The following DGKB variants were observed in gnomAD, a reference collection of about 807,000 sequenced individuals.
DGKB encodes the protein diacylglycerol kinase beta.
A neutral mutation model predicts 114.3 loss-of-function variants in DGKB; 67 were observed. The ratio of observed to expected loss-of-function variants is 0.59; its 90% CI spans 0.48 to 0.72. DGKB has a LOEUF of 0.72. Among genes scored for constraint, DGKB ranks in the 30% least tolerant of loss-of-function variants. The pLI is 0.00. For missense variants in DGKB, 907 were observed against 975.2 expected (o/e 0.93, Z 0.93); for synonymous variants, 398 against 323.1 (o/e 1.23, Z -2.49).
intron 16 of DGKB, among the ~76,000 whole-genome samples, chr7:14,609,946 T>C (rs914275536): frequency 6.6e-6 from 1 of 152,114 alleles, no homozygotes; most frequent in Non-Finnish European, 1.5e-5. Flanking sequence ...GTTCAGCCAT[T>C]GTAGAAAATG....
At chr7:14,567,164 TTA>T (rs1332632590) in intron 20 of DGKB, among the ~76,000 whole-genome samples, 5 of 89,886 alleles carry the variant, frequency 5.6e-5, no homozygotes, top group African/African-American at 2.1e-4. Context: ...ACAATTATAT[TTA>T]TATATATTAT....
intron 1 of DGKB, among the ~76,000 whole-genome samples, chr7:14,885,947 T>C (rs1261346596): frequency 6.6e-6 from 1 of 151,702 alleles, no homozygotes; most frequent in Non-Finnish European, 1.5e-5. Flanking sequence ...ACGGCTAATT[T>C]AGAAAAAAAT....
intron 4 of DGKB, among the ~76,000 whole-genome samples, chr7:14,748,810 A>C (rs1833727552): frequency 6.6e-6 from 1 of 152,172 alleles, no homozygotes; most frequent in Admixed American, 6.6e-5. Flanking sequence ...TAACTAGCTC[A>C]CCACTAATTA....
At position 14,719,063 on chromosome 7, in the gene DGKB, C is replaced by A. The variant is rs144261344; in HGVS notation, c.323-378G>T. The stretch of plus-strand genomic sequence containing the variant: ...GGAAGATATTTAAAATGGACTTTTT[C>A]ACAAAATACTAAAGAAAAAAATGTC... On this transcript the variant is annotated intron_variant, in intron 5 of 25. Transcript: ENST00000402815. Among the ~76,000 whole-genome samples, 279 of 152,204 alleles carry A rather than the reference C, an allele frequency of 1.8e-3. 1 individual carries two copies. Among genetic ancestry groups the A allele is most frequent in the African/African-American group, 6.3e-3 (262 of 41,540 alleles).
At chr7:14,327,558 T>C (rs1036096742) in intron 23 of DGKB, among the ~76,000 whole-genome samples, 9 of 152,302 alleles carry the variant, frequency 5.9e-5, no homozygotes, top group African/African-American at 1.9e-4. Context: ...GATTACTTCA[T>C]TGCATATCTC....
At chr7:14,506,397 AAT>A (rs1014682879) in intron 20 of DGKB, among the ~76,000 whole-genome samples, 5 of 152,308 alleles carry the variant, frequency 3.3e-5, no homozygotes, top group Admixed American at 6.5e-5. Flanking sequence ...AAGAGAAAAA[AAT>A]AGACTATGTA....
chr7:14,603,405 T>C (rs533164373), intron 17 of DGKB, among the ~76,000 whole-genome samples: 1 of 152,262 alleles, frequency 6.6e-6, no homozygotes, highest in Admixed American at 6.5e-5. Context: ...TGTTCATTTC[T>C]GTGTCATAAT....
chr7:14,502,997 T>G (rs1454179443), intron 20 of DGKB, among the ~76,000 whole-genome samples: 6 of 152,102 alleles, frequency 3.9e-5, no homozygotes, highest in Admixed American at 3.9e-4. Context: ...AGCTTAACAT[T>G]TGAGAGGACT....
chr7:14,658,147 A>T (rs567063078), intron 13 of DGKB, among the ~76,000 whole-genome samples: 2 of 152,002 alleles, frequency 1.3e-5, no homozygotes, highest in Admixed American at 1.3e-4. Flanking sequence ...TGGTTTTCTG[A>T]GGGTGTTATA....
intron 25 of DGKB, chr7:14,176,317 G>A (rs2128243208): frequency 1.1e-6 from 1 of 944,474 alleles, no homozygotes; most frequent in Non-Finnish European, 1.3e-6. Context: ...GAGAGGGGCA[G>A]TGTCTGCCTT....
chr7:14,291,527 A>G (rs1303247587), intron 23 of DGKB, among the ~76,000 whole-genome samples: 1 of 152,168 alleles, frequency 6.6e-6, no homozygotes, highest in East Asian at 1.9e-4. Flanking sequence ...TCGTTCAGAA[A>G]TCAGTGAATT....
At chr7:14,500,404 C>T (rs1189926544) in intron 20 of DGKB, among the ~76,000 whole-genome samples, 2 of 150,916 alleles carry the variant, frequency 1.3e-5, no homozygotes, top group Non-Finnish European at 3.0e-5. Context: ...TTCATTGAAC[C>T]CTTATTCTAT....
chr7:14,649,282 C>A (rs1378502807), intron 13 of DGKB, among the ~76,000 whole-genome samples: 1 of 151,520 alleles, frequency 6.6e-6, no homozygotes, highest in East Asian at 1.9e-4. Context: ...GCCCATCAGA[C>A]TAACAGCGGA....
intron 20 of DGKB, among the ~76,000 whole-genome samples, chr7:14,498,419 A>C (rs1563328702): frequency 6.6e-6 from 1 of 151,870 alleles, no homozygotes; most frequent in African/African-American, 2.4e-5. Flanking sequence ...ATAGGTAAAA[A>C]GTCATCAAAT....
chr7:14,837,218 A>G (rs1847281604), intron 2 of DGKB, among the ~76,000 whole-genome samples: 1 of 152,198 alleles, frequency 6.6e-6, no homozygotes, highest in Non-Finnish European at 1.5e-5. Flanking sequence ...CTAGATACCT[A>G]TCCAAGAATA....
At chr7:14,337,598 C>T (rs1007232566) in intron 23 of DGKB, among the ~76,000 whole-genome samples, 1 of 152,092 alleles carries the variant, frequency 6.6e-6, no homozygotes, top group African/African-American at 2.4e-5. Flanking sequence ...TGCCCACCAC[C>T]ATAAAGCCCA....
intron 24 of DGKB, among the ~76,000 whole-genome samples, chr7:14,177,654 G>C (rs778988032): frequency 3.3e-5 from 5 of 151,744 alleles, no homozygotes; most frequent in Non-Finnish European, 7.4e-5. Context: ...TCTTACTGTG[G>C]CACTTTAGTC....
At chr7:14,830,697 A>G (rs1222287718) in intron 2 of DGKB, among the ~76,000 whole-genome samples, 2 of 152,110 alleles carry the variant, frequency 1.3e-5, no homozygotes, top group African/African-American at 2.4e-5. Flanking sequence ...TGCTCTAAAG[A>G]CACTATGACA....
At chr7:14,830,959 G>A (rs533777819) in intron 2 of DGKB, among the ~76,000 whole-genome samples, 1 of 151,878 alleles carries the variant, frequency 6.6e-6, no homozygotes, top group Admixed American at 6.6e-5. Context: ...GAATATCTGT[G>A]TGTTAAGAGA....
Sources: allele counts gnomAD v4.1 joint callset (sites outside exome capture counted in the v4.1 genomes callset), GRCh38; gene constraint gnomAD v4.1.1; transcripts MANE v1.5; gene names NCBI Gene and HGNC (gene_info 2026-07-23, HGNC 2026-07-21).